PDE4DIP: variants seen among roughly 807,000 people sequenced by gnomAD.
PDE4DIP encodes phosphodiesterase 4D interacting protein, also known as myomegalin.
Under a neutral mutation model 221.4 loss-of-function variants are expected in PDE4DIP, and 59 were observed. The ratio of observed to expected loss-of-function variants is 0.27; its 90% CI spans 0.22 to 0.33. PDE4DIP has a LOEUF of 0.33. PDE4DIP is among the 10% of genes least tolerant of loss of function. The pLI, the probability that PDE4DIP is intolerant of heterozygous loss-of-function variation, is 1.00. For missense variants in PDE4DIP, 1,036 were observed against 2,154.2 expected (o/e 0.48, Z 10.28); for synonymous variants, 404 against 815.9 (o/e 0.50, Z 8.60).
In PDE4DIP at chr1:148,902,830, A is replaced by G. The variant is rs1301871267; in HGVS notation, c.141+12936A>G. Among the ~76,000 whole-genome samples, 12 of 110,660 alleles carry G rather than the reference A, an allele frequency of 1.1e-4. 1 individual carries two copies. The highest frequency in any genetic ancestry group is 8.6e-4 in the Admixed American group (9 of 10,518). 72.6% of individuals were successfully genotyped at this position (110,660 alleles called of 152,430 possible). A position where few individuals can be genotyped will look rare whatever the true frequency, so the allele number is the denominator to read the frequency against. ...ATTGGTGGGCACTTGGGTTGGTTCC[A>G]CGTTTTTGCAGTTGTGAACTGTGCT... On this transcript the variant is annotated intron_variant, in intron 1 of 43. Coordinates refer to ENST00000369354, the Ensembl canonical transcript of PDE4DIP.
At chr1:148,929,811 G>C (rs1384115225) in intron 2 of PDE4DIP, 1 of 152,918 alleles carries the variant, frequency 6.5e-6, no homozygotes, top group Non-Finnish European at 1.5e-5. Context: ...AAATGTATAA[G>C]GATGTTTATT....
chr1:149,001,611 G>C (rs2065676667), exon 24 of PDE4DIP: 2 of 1,611,046 alleles, frequency 1.2e-6, no homozygotes, highest in Non-Finnish European at 1.7e-6. Context: ...CTGAGCCTTT[G>C]CCTTGAGAAT....
chr1:148,940,914 C>CA (rs2050385770), intron 5 of PDE4DIP, among the ~76,000 whole-genome samples: 1 of 151,784 alleles, frequency 6.6e-6, no homozygotes, highest in South Asian at 2.1e-4. Context: ...TGATTGTAAA[C>CA]AGTTTTATCA....
chr1:149,028,940 C>G (rs1233078698), intron 41 of PDE4DIP, among the ~76,000 whole-genome samples: 3 of 152,114 alleles, frequency 2.0e-5, no homozygotes, highest in Admixed American at 2.0e-4. Flanking sequence ...GTTAAGAAAT[C>G]AAAGAAGATG....
intron 24 of PDE4DIP, among the ~76,000 whole-genome samples, chr1:149,002,649 G>C: frequency 6.6e-6 from 1 of 152,092 alleles, no homozygotes; most frequent in Non-Finnish European, 1.5e-5. Flanking sequence ...GTGCTGTGCT[G>C]TGTGCTGTGG....
chr1:148,953,742 G>A (rs2151380142), intron 5 of PDE4DIP: 2 of 1,459,492 alleles, frequency 1.4e-6, no homozygotes, highest in South Asian at 1.2e-5. Context: ...AGCCTACCTG[G>A]AGCCAAGCCT....
exon 28 of PDE4DIP, chr1:149,007,417 C>A: frequency 1.3e-6 from 1 of 766,862 alleles, no homozygotes. Flanking sequence ...CAGAGAGGCT[C>A]ACCAGCAAAC....
chr1:148,934,217 T>TTA (rs1176041966), intron 4 of PDE4DIP, among the ~76,000 whole-genome samples: 2,137 of 147,308 alleles, frequency 0.015, no homozygotes, highest in African/African-American at 0.049. Flanking sequence ...ATTGTTTCTT[T>TTA]TATATATATA....
At chr1:148,989,501 G>A (rs1553554541) in intron 21 of PDE4DIP, 2 of 239,884 alleles carry the variant, frequency 8.3e-6, no homozygotes, top group African/African-American at 2.3e-5. Flanking sequence ...GAAAGTGTCA[G>A]ATAAAAACCT....
chr1:148,953,137 C>T (rs377165343), intron 5 of PDE4DIP: 6 of 1,613,974 alleles, frequency 3.7e-6, no homozygotes, highest in South Asian at 1.1e-5. Flanking sequence ...ACATGTCCGT[C>T]TTACCCGATG....
intron 21 of PDE4DIP, 48 bp downstream of exon 24, chr1:148,981,445 G>A (rs773466091): frequency 1.9e-6 from 3 of 1,612,012 alleles, no homozygotes; most frequent in Non-Finnish European, 2.5e-6. Flanking sequence ...TGCCTACTGA[G>A]CACTGGCGGG....
At chr1:149,004,163 A>G (rs1219351267) in intron 26 of PDE4DIP, among the ~76,000 whole-genome samples, 1 of 151,540 alleles carries the variant, frequency 6.6e-6, no homozygotes, top group African/African-American at 2.4e-5. Flanking sequence ...TCCTGGGGCC[A>G]GACTGGTTGG....
intron 30 of PDE4DIP, 113 bp downstream of exon 33, chr1:149,009,904 C>A: frequency 1.2e-6 from 1 of 857,046 alleles, no homozygotes; most frequent in South Asian, 1.5e-5. Context: ...GGCTGTGGGG[C>A]CAAGTGCCAT....
chr1:148,970,343 G>A (rs1553524585), intron 14 of PDE4DIP, among the ~76,000 whole-genome samples: 1 of 150,750 alleles, frequency 6.6e-6, no homozygotes, highest in African/African-American at 2.4e-5. Context: ...TTTGGCAAGA[G>A]GCTAGGATCT....
chr1:148,990,083 G>A (rs1320547836), intron 21 of PDE4DIP: 29 of 287,490 alleles, frequency 1.0e-4, no homozygotes, highest in East Asian at 5.2e-4. Context: ...TAAAGTTCAT[G>A]GTGTAGATGA....
At chr1:148,857,178 A>G (rs1681697305) in intron 1 of PDE4DIP, among the ~76,000 whole-genome samples, 1 of 71,980 alleles carries the variant, frequency 1.4e-5, no homozygotes, top group Non-Finnish European at 2.4e-5. Flanking sequence ...CAATAAAAAT[A>G]GATTATTCAA....
chr1:148,886,891 GA>G (rs1430550518), upstream of PDE4DIP, among the ~76,000 whole-genome samples: 17 of 141,372 alleles, frequency 1.2e-4, no homozygotes, highest in Non-Finnish European at 7.8e-5. Context: ...CTCGGTTGGA[GA>G]TTTGGGAATT....
At chr1:149,029,676 C>A (rs1284091369) in intron 41 of PDE4DIP, 111 bp from the exon 45 acceptor site, 10 of 759,262 alleles carry the variant, frequency 1.3e-5, no homozygotes, top group Non-Finnish European at 2.0e-5. Context: ...AAATCCAGTT[C>A]AAGAGAGTTG....
chr1:148,946,278 G>T, intron 5 of PDE4DIP, among the ~76,000 whole-genome samples: 1 of 142,228 alleles, frequency 7.0e-6, no homozygotes, highest in South Asian at 2.4e-4. Context: ...GCCAGGCGCG[G>T]TGGCTCACGC....
Sources: allele counts gnomAD v4.1 joint callset (sites outside exome capture counted in the v4.1 genomes callset), GRCh38; gene constraint gnomAD v4.1.1; transcripts MANE v1.5; gene names NCBI Gene and HGNC (gene_info 2026-07-23, HGNC 2026-07-21).